The following SORCS2 variants were observed in gnomAD, a reference collection of about 807,000 sequenced individuals.
SORCS2 encodes the protein VPS10 domain-containing receptor SorCS2.
Under a neutral mutation model 141.6 loss-of-function variants are expected in SORCS2, and 100 were observed. The observed-to-expected ratio is 0.71, with a 90% CI of 0.60 to 0.83. The LOEUF (loss-of-function observed/expected upper bound fraction) is 0.83. Among genes scored for constraint, SORCS2 ranks in the 40% least tolerant of loss-of-function variants. The probability of loss-of-function intolerance (pLI) is 0.00; values close to 1 mark genes in which losing one functional copy is unlikely to be tolerated. For missense variants in SORCS2, 1,646 were observed against 1,560.2 expected (o/e 1.05, Z -0.93); for synonymous variants, 789 against 676.9 (o/e 1.17, Z -2.57).
chr4:7,436,087 G>C (rs1239141160), intron 2 of SORCS2, among the ~76,000 whole-genome samples: 19 of 152,232 alleles, frequency 1.2e-4, no homozygotes, highest in Non-Finnish European at 4.4e-5. Flanking sequence ...AGAGAAGACG[G>C]AAAATAGGAT....
At chr4:7,681,559 G>T (rs77380391) in intron 9 of SORCS2, among the ~76,000 whole-genome samples, 3 of 152,334 alleles carry the variant, frequency 2.0e-5, no homozygotes, top group African/African-American at 7.2e-5. Flanking sequence ...AACTGTAGCC[G>T]CATGCCAGGC....
intron 3 of SORCS2, among the ~76,000 whole-genome samples, chr4:7,618,338 A>G (rs1347622178): frequency 6.6e-6 from 1 of 151,990 alleles, no homozygotes; most frequent in Non-Finnish European, 1.5e-5. Flanking sequence ...CCAGGGCCCA[A>G]GCACGCCCAT....
chr4:7,705,071 T>C (rs6446613), intron 14 of SORCS2, among the ~76,000 whole-genome samples: 133,247 of 152,082 alleles, frequency 0.88, 58,563 homozygotes, highest in East Asian at 1. Context: ...ATGGGGTTAT[T>C]GTCAATGTAA....
intron 2 of SORCS2, among the ~76,000 whole-genome samples, chr4:7,476,069 A>T (rs920488811): frequency 1.3e-5 from 2 of 152,148 alleles, no homozygotes; most frequent in African/African-American, 4.8e-5. Context: ...GCCTATACCC[A>T]GGCGCTTCTC....
chr4:7,247,514 G>A (rs1341348663), intron 1 of SORCS2, among the ~76,000 whole-genome samples: 3 of 152,210 alleles, frequency 2.0e-5, no homozygotes, highest in African/African-American at 2.4e-5. Flanking sequence ...AAACGGCATC[G>A]TAAAACAAAG....
At chr4:7,282,964 C>A (rs988715640) in intron 1 of SORCS2, among the ~76,000 whole-genome samples, 4 of 152,212 alleles carry the variant, frequency 2.6e-5, no homozygotes, top group Non-Finnish European at 4.4e-5. Context: ...CTCATTAATT[C>A]ATTCATTCAC....
chr4:7,355,541 G>A (rs560265722), intron 1 of SORCS2, among the ~76,000 whole-genome samples: 20 of 152,208 alleles, frequency 1.3e-4, no homozygotes, highest in African/African-American at 3.9e-4. Flanking sequence ...TGCCTTCACC[G>A]CGTGGCTCTG....
At chr4:7,641,894 A>ATTGATGGGTGGG (rs1560449920) in intron 4 of SORCS2, among the ~76,000 whole-genome samples, 1 of 141,308 alleles carries the variant, frequency 7.1e-6, no homozygotes, top group Non-Finnish European at 1.5e-5. Flanking sequence ...GGATGGATGG[A>ATTGATGGGTGGG]TGGGTGGTTG....
intron 2 of SORCS2, among the ~76,000 whole-genome samples, chr4:7,507,779 C>T (rs990395442): frequency 6.6e-6 from 1 of 152,096 alleles, no homozygotes; most frequent in Admixed American, 6.5e-5. Context: ...CTGTGTCTCT[C>T]ATGAGGGAGC....
intron 2 of SORCS2, chr4:7,433,521 G>A: frequency 1.2e-6 from 2 of 1,608,550 alleles, no homozygotes; most frequent in Non-Finnish European, 1.7e-6. Flanking sequence ...TCATGTCCTT[G>A]AGACTCTCAA....
intron 1 of SORCS2, among the ~76,000 whole-genome samples, chr4:7,326,968 G>A (rs113877028): frequency 0.078 from 11,889 of 152,276 alleles, 728 homozygotes; most frequent in Middle Eastern, 0.16. Flanking sequence ...CTGGTCACCC[G>A]TGGCTGAGGG....
At chr4:7,602,778 A>G (rs1362188745) in intron 3 of SORCS2, among the ~76,000 whole-genome samples, 14 of 152,146 alleles carry the variant, frequency 9.2e-5, no homozygotes, top group East Asian at 1.9e-4. Context: ...AGAGGCTGCA[A>G]TCTCGGCACT....
intron 1 of SORCS2, among the ~76,000 whole-genome samples, chr4:7,346,015 C>A (rs970934463): frequency 6.6e-5 from 10 of 152,182 alleles, no homozygotes; most frequent in Non-Finnish European, 1.3e-4. Context: ...ACTCTTGGTT[C>A]CATTTATTTT....
intron 26 of SORCS2, among the ~76,000 whole-genome samples, chr4:7,737,821 T>C (rs2148905428): frequency 6.6e-6 from 1 of 152,240 alleles, no homozygotes; most frequent in South Asian, 2.1e-4. Flanking sequence ...GGGTCTCTCA[T>C]GAGGCTGCAG....
intron 1 of SORCS2, among the ~76,000 whole-genome samples, chr4:7,372,113 C>T (rs1357208015): frequency 6.6e-6 from 1 of 152,090 alleles, no homozygotes; most frequent in East Asian, 1.9e-4. Context: ...TCATTGCGGC[C>T]CTTGCTGATA....
intron 1 of SORCS2, among the ~76,000 whole-genome samples, chr4:7,386,221 ATG>A (rs1391765496): frequency 2.1e-5 from 2 of 94,566 alleles, no homozygotes; most frequent in African/African-American, 8.6e-5. Context: ...ACGCACACAC[ATG>A]CCCACCATAC....
intron 2 of SORCS2, among the ~76,000 whole-genome samples, chr4:7,411,893 T>C (rs539472805): frequency 6.6e-6 from 1 of 152,188 alleles, no homozygotes; most frequent in Non-Finnish European, 1.5e-5. Context: ...CTCCCTTCTC[T>C]TAAAGCTGCC....
rs115936569 is a variant in SORCS2 at position 7,422,561 on chromosome 4, C to T, written c.548+26206C>T. 4.8e-3 allele frequency among the ~76,000 whole-genome samples: 735 copies of T among 152,240 alleles called. 5 individuals carry two copies. Among genetic ancestry groups the T allele is most frequent in the African/African-American group, 0.017 (704 of 41,558 alleles). ...GGGGCAGAGGTGGGGTGGTCCCAGG[C>T]CCCCTTGGTGCTCCTGCCCTAATCC... On this transcript the variant is annotated intron_variant, in intron 2 of 26. Transcript: ENST00000507866.
intron 2 of SORCS2, among the ~76,000 whole-genome samples, chr4:7,504,202 A>G (rs1045913189): frequency 6.6e-6 from 1 of 152,252 alleles, no homozygotes; most frequent in African/African-American, 2.4e-5. Flanking sequence ...CCTCACTCCC[A>G]GCTCAAGCCC....
Sources: allele counts gnomAD v4.1 joint callset (sites outside exome capture counted in the v4.1 genomes callset), GRCh38; gene constraint gnomAD v4.1.1; transcripts MANE v1.5; gene names NCBI Gene and HGNC (gene_info 2026-07-23, HGNC 2026-07-21).